Variants in CD80 observed in about 807,000 individuals in gnomAD.
The protein encoded by CD80 is T-lymphocyte activation antigen CD80.
CD80 carries 13 observed loss-of-function variants against 27.1 expected under a neutral mutation model. The ratio of observed to expected loss-of-function variants is 0.48; its 90% CI spans 0.31 to 0.76. CD80 has a LOEUF of 0.76. Among genes scored for constraint, CD80 ranks in the 30% least tolerant of loss-of-function variants. CD80 has a pLI of 0.04. For missense variants in CD80, 277 were observed against 347.9 expected (o/e 0.80, Z 1.62); for synonymous variants, 125 against 125.5 (o/e 1.00, Z 0.03).
intron 4 of CD80, 144 bp from the exon 5 acceptor site, chr3:119,530,081 T>A (rs2107739630): frequency 1.7e-6 from 1 of 589,670 alleles, no homozygotes. Flanking sequence ...TTTTCTTGCA[T>A]AATTCTTCAA....
chr3:119,555,288 G>A lies in CD80; in HGVS notation c.100+2341C>T, dbSNP rs182341810. On this transcript the variant is annotated intron_variant, in intron 2 of 6. Coordinates refer to ENST00000264246, the MANE Select transcript of CD80 (RefSeq NM_005191.4). Reference sequence around the variant, plus strand: ...CACCCCAAATCTAGAGTTCACGATAGGGGTCACTCCTGGTATTGCATATTC... The same window carrying A: ...CACCCCAAATCTAGAGTTCACGATAAGGGTCACTCCTGGTATTGCATATTC... Among the ~76,000 whole-genome samples, 12 of 152,264 alleles carry A rather than the reference G, an allele frequency of 7.9e-5. No individual in the cohort carries two copies. The East Asian group carries it at 2.3e-3, about 29-fold the overall frequency.
chr3:119,529,465 T>G (rs1403020909), intron 5 of CD80, among the ~76,000 whole-genome samples: 1 of 152,148 alleles, frequency 6.6e-6, no homozygotes, highest in East Asian at 1.9e-4. Context: ...CCAAATCGAC[T>G]AGCCCTTAAA....
chr3:119,558,609 A>G (rs2082276524), intron 1 of CD80, among the ~76,000 whole-genome samples: 3 of 152,064 alleles, frequency 2.0e-5, no homozygotes, highest in African/African-American at 7.2e-5. Flanking sequence ...CCAAAAATAC[A>G]AAAATTAGCC....
In CD80 at chr3:119,547,906, G is replaced by A. The variant is rs538753555; in HGVS notation, c.101-3039C>T. Among the ~76,000 whole-genome samples, 33 of 152,112 alleles carry A rather than the reference G, an allele frequency of 2.2e-4. 1 individual carries two copies. In the South Asian group the frequency reaches 6.2e-3, roughly 29 times the overall value. ...AAATGGGTAAAGCTCTTCCAGTGACGTTATCTTTCAAGAGTTATCCAGAAT... is the reference window on the plus strand; with the variant it reads ...AAATGGGTAAAGCTCTTCCAGTGACATTATCTTTCAAGAGTTATCCAGAAT... On this transcript the variant is annotated intron_variant, in intron 2 of 6. Coordinates refer to ENST00000264246, the MANE Select transcript of CD80 (RefSeq NM_005191.4).
chr3:119,530,708 A>G (rs565372358), intron 4 of CD80, among the ~76,000 whole-genome samples: 3 of 152,218 alleles, frequency 2.0e-5, no homozygotes, highest in Non-Finnish European at 4.4e-5. Flanking sequence ...TGCTTTGAGG[A>G]ATCATTAGCA....
Position 119,534,866 on chromosome 3 carries a change from C to A in CD80, c.700+2271G>T, listed in dbSNP as rs114464125. Among the ~76,000 whole-genome samples, 608 of 152,164 alleles carry A rather than the reference C, an allele frequency of 4.0e-3. 2 individuals are homozygous for A. Among genetic ancestry groups the A allele is most frequent in the African/African-American group, 0.014 (569 of 41,526 alleles). ...TTTGGTTTATATTTGAACTAATTTT[C>A]CCAGGAAATTTTGTCTCATTGAGGA... On this transcript the variant is annotated intron_variant, in intron 4 of 6. Transcript: ENST00000264246.
intron 1 of CD80, among the ~76,000 whole-genome samples, chr3:119,559,188 C>T (rs916472893): frequency 3.3e-5 from 5 of 152,254 alleles, no homozygotes; most frequent in South Asian, 2.1e-4. Context: ...AATTCAAATA[C>T]GGCCCACAAA....
At chr3:119,539,484 A>T (rs2082156117) in intron 3 of CD80, among the ~76,000 whole-genome samples, 1 of 152,080 alleles carries the variant, frequency 6.6e-6, no homozygotes, top group African/African-American at 2.4e-5. Flanking sequence ...CATTGAGCCT[A>T]TAACCTCATT....
intron 5 of CD80, among the ~76,000 whole-genome samples, chr3:119,528,428 C>A (rs1432208972): frequency 2.0e-5 from 3 of 152,064 alleles, no homozygotes; most frequent in Non-Finnish European, 4.4e-5. Flanking sequence ...GTGATTATGG[C>A]CTTATTTCGG....
rs574084368 is a variant in CD80, at chr3:119,553,855, G to T, written c.100+3774C>A. Among the ~76,000 whole-genome samples, 21 of 152,346 alleles carry T rather than the reference G, an allele frequency of 1.4e-4. No individual in the cohort carries two copies. The South Asian group carries it at 3.3e-3, about 24-fold the overall frequency. ...AAGTCACCTATTGTCTCACCACCTG[G>T]AGATTTTACCGTTCCTGGTTTGTGC... On this transcript the variant is annotated intron_variant, in intron 2 of 6. Transcript: ENST00000264246.
intron 4 of CD80, among the ~76,000 whole-genome samples, chr3:119,530,832 C>G (rs1013248288): frequency 2.5e-4 from 38 of 152,250 alleles, no homozygotes; most frequent in African/African-American, 8.2e-4. Context: ...TTTTTTTCTT[C>G]ATGCTGAAGT....
At chr3:119,550,026 G>A (rs948065233) in intron 2 of CD80, among the ~76,000 whole-genome samples, 6 of 152,158 alleles carry the variant, frequency 3.9e-5, no homozygotes, top group African/African-American at 1.4e-4. Context: ...TACCCCTTGG[G>A]ATCACTGGAA....
At chr3:119,544,371 A>G in intron 3 of CD80, 179 bp downstream of exon 3, 1 of 603,778 alleles carries the variant, frequency 1.7e-6, no homozygotes, top group South Asian at 2.1e-5. Flanking sequence ...ATTAACAGAT[A>G]TTTCCAGGAC....
At chr3:119,554,459 G>T (rs1174767874) in intron 2 of CD80, among the ~76,000 whole-genome samples, 2 of 152,190 alleles carry the variant, frequency 1.3e-5, no homozygotes, top group East Asian at 3.8e-4. Flanking sequence ...GGGCTGCCCT[G>T]TTAGAGCCTC....
Position 119,544,826 on chromosome 3 carries a change from G to A in CD80, c.142C>T (p.Leu48=). Residue 48 remains leucine, a synonymous_variant, in exon 3 of 7, where the codon CTG becomes TTG. Coordinates refer to ENST00000264246, the MANE Select transcript of CD80 (RefSeq NM_005191.4). ...ACAGAAACATTGTGACCACAGGACA[G>A]CGTTGCCACTTCTTTCACTTCCTTG... The part of the protein sequence containing the change: ...VTKEVKEVAT[L]SCGHNVSVEE... The A allele has an allele frequency of 6.2e-7, 1 of 1,614,182 alleles. No homozygotes were observed. The highest frequency in any genetic ancestry group is 8.5e-7 in the Non-Finnish European group (1 of 1,180,024).
chr3:119,539,435 G>A (rs75931358), intron 3 of CD80, among the ~76,000 whole-genome samples: 1 of 149,568 alleles, frequency 6.7e-6, no homozygotes, highest in Non-Finnish European at 1.5e-5. Context: ...AAAAAAAAAA[G>A]TAGTCTTTTA....
rs1440689930 is a variant in CD80 at position 119,525,732 on chromosome 3, T to C, written c.*56A>G. ...GAGGAAGTTCCCAGAAGAGGTCAATTGCAAATGGAGGTGGGACCTGAGAAA... is the reference window on the plus strand; with the variant it reads ...GAGGAAGTTCCCAGAAGAGGTCAATCGCAAATGGAGGTGGGACCTGAGAAA... On this transcript the variant is annotated 3_prime_UTR_variant, in exon 7 of 7. Transcript: ENST00000264246. 6.6e-6 allele frequency: 1 copy of C among 152,332 alleles called. No homozygotes were observed. Among genetic ancestry groups the C allele is most frequent in the Non-Finnish European group, 1.5e-5 (1 of 67,974 alleles). 9.4% of individuals were successfully genotyped at this position (152,332 alleles called of 1,614,324 possible). A position where few individuals can be genotyped will look rare whatever the true frequency, so the allele number is the denominator to read the frequency against.
At chr3:119,536,328 A>G (rs1020536230) in intron 4 of CD80, among the ~76,000 whole-genome samples, 1 of 152,010 alleles carries the variant, frequency 6.6e-6, no homozygotes, top group Non-Finnish European at 1.5e-5. Flanking sequence ...TTTTAAATTT[A>G]TTTTTTAAAT....
Position 119,557,683 on chromosome 3 carries a change from A to G in CD80, c.46T>C (p.Tyr16His). ...ACCAAGAGCTGAAAGAAATTGAGGTATGGACACTTGGATGGTGATGTTCCC... is the reference window on the plus strand; with the variant it reads ...ACCAAGAGCTGAAAGAAATTGAGGTGTGGACACTTGGATGGTGATGTTCCC... ...RQGTSPSKCP[Y>H]LNFFQLLVLA... is the part of the protein sequence containing the mutation. The change falls in exon 2 of 7, where the codon TAC becomes CAC. Residue 16 changes from tyrosine to histidine, a missense_variant. Transcript: ENST00000264246. The G allele has an allele frequency of 6.2e-7, 1 of 1,613,932 alleles. No homozygotes were observed. Among genetic ancestry groups the G allele is most frequent in the Non-Finnish European group, 8.5e-7 (1 of 1,179,912 alleles).
Sources: allele counts gnomAD v4.1 joint callset (sites outside exome capture counted in the v4.1 genomes callset), GRCh38; gene constraint gnomAD v4.1.1; transcripts MANE v1.5; gene names NCBI Gene and HGNC (gene_info 2026-07-23, HGNC 2026-07-21).